The following PCDH15 variants were observed in gnomAD, a reference collection of about 807,000 sequenced individuals.
The protein encoded by PCDH15 is protocadherin related 15, also known as protocadherin-15.
PCDH15 carries 129 observed loss-of-function variants against 178.5 expected under a neutral mutation model. The ratio of observed to expected loss-of-function variants is 0.72; its 90% CI spans 0.63 to 0.84. PCDH15 has a LOEUF of 0.84. Ranked by LOEUF, PCDH15 falls within the 40% of genes least tolerant of loss-of-function variation. The probability of loss-of-function intolerance (pLI) is 0.00; values close to 1 mark genes in which losing one functional copy is unlikely to be tolerated. For synonymous variants in PCDH15, 800 were observed against 732.0 expected, an observed-to-expected ratio of 1.09 and a Z score of -1.50; for missense variants, 2,230 against 2,099.9, an observed-to-expected ratio of 1.06 and a Z score of -1.21.
At chr10:54,341,388 C>T (rs532603669) in intron 6 of PCDH15, among the ~76,000 whole-genome samples, 1 of 152,296 alleles carries the variant, frequency 6.6e-6, no homozygotes, top group South Asian at 2.1e-4. Flanking sequence ...CCTCCTGCTG[C>T]ATGTAAGATA....
chr10:55,508,792 A>C (rs746352506), intron 2 of PCDH15, among the ~76,000 whole-genome samples: 16 of 151,820 alleles, frequency 1.1e-4, no homozygotes, highest in Non-Finnish European at 1.9e-4. Flanking sequence ...AAAATTAATA[A>C]CTATAATAAA....
At chr10:54,712,181 G>T (rs542610487) in intron 1 of PCDH15, among the ~76,000 whole-genome samples, 1 of 151,676 alleles carries the variant, frequency 6.6e-6, no homozygotes, top group East Asian at 1.9e-4. Flanking sequence ...AATCTTCAAA[G>T]TTTCAAAAAG....
chr10:54,107,129 A>G (rs1418091076), intron 15 of PCDH15, among the ~76,000 whole-genome samples: 1 of 152,200 alleles, frequency 6.6e-6, no homozygotes, highest in Non-Finnish European at 1.5e-5. Context: ...TAATAGAATC[A>G]ATAGCATTGA....
intron 2 of PCDH15, among the ~76,000 whole-genome samples, chr10:55,064,131 T>A (rs1156714982): frequency 6.6e-6 from 1 of 152,064 alleles, no homozygotes; most frequent in Admixed American, 6.6e-5. Flanking sequence ...TAAATACATA[T>A]GGAAAAATCT....
chr10:54,517,979 T>C (rs1001262155), intron 3 of PCDH15, among the ~76,000 whole-genome samples: 1 of 152,116 alleles, frequency 6.6e-6, no homozygotes, highest in Non-Finnish European at 1.5e-5. Context: ...CATAATGAAA[T>C]GAAGGCAGAA....
chr10:53,931,005 G>T (rs908008354), intron 25 of PCDH15, among the ~76,000 whole-genome samples: 1 of 152,142 alleles, frequency 6.6e-6, no homozygotes. Flanking sequence ...AAGAAAATAC[G>T]GATGCTTAAC....
intron 18 of PCDH15, 76 bp from the exon 19 acceptor site, chr10:54,023,273 C>T: frequency 1.4e-6 from 2 of 1,391,450 alleles, no homozygotes; most frequent in South Asian, 2.4e-5. Context: ...TAACAGTTAA[C>T]AAATTATGGT....
At chr10:54,183,330 A>T in intron 13 of PCDH15, 114 bp downstream of exon 13, 1 of 1,053,500 alleles carries the variant, frequency 9.5e-7, no homozygotes, top group Non-Finnish European at 1.5e-6. Context: ...ATTATGCTAT[A>T]CAATAAGTGT....
intron 1 of PCDH15, among the ~76,000 whole-genome samples, chr10:54,680,904 T>C (rs889315819): frequency 2.0e-5 from 3 of 151,994 alleles, no homozygotes; most frequent in African/African-American, 7.2e-5. Context: ...AGAAAGAAGG[T>C]TGGAGTAGGG....
At chr10:54,744,515 C>T (rs1945217894) in intron 1 of PCDH15, among the ~76,000 whole-genome samples, 1 of 152,042 alleles carries the variant, frequency 6.6e-6, no homozygotes, top group African/African-American at 2.4e-5. Flanking sequence ...CAAAACTCAT[C>T]ATATTTCATT....
At chr10:54,797,908 A>G (rs1952212183) in intron 1 of PCDH15, among the ~76,000 whole-genome samples, 1 of 152,014 alleles carries the variant, frequency 6.6e-6, no homozygotes, top group Non-Finnish European at 1.5e-5. Context: ...ACTTCAGTTT[A>G]TACACCACAG....
At chr10:55,621,979 TTC>T (rs1027495739) in intron 2 of PCDH15, among the ~76,000 whole-genome samples, 8 of 144,746 alleles carry the variant, frequency 5.5e-5, no homozygotes, top group South Asian at 2.1e-4. Flanking sequence ...TATACTCTCG[TTC>T]TCTCTCTATA....
At chr10:54,038,508 A>T (rs1034905813) in intron 18 of PCDH15, among the ~76,000 whole-genome samples, 5 of 151,902 alleles carry the variant, frequency 3.3e-5, no homozygotes, top group African/African-American at 1.2e-4. Context: ...GAGCTGCAGA[A>T]TTGCAATTGC....
At chr10:54,722,548 C>CA (rs1213717094) in intron 1 of PCDH15, among the ~76,000 whole-genome samples, 1 of 119,020 alleles carries the variant, frequency 8.4e-6, no homozygotes, top group East Asian at 2.2e-4. Context: ...TTTCTTCAGG[C>CA]AAAATAAAGA....
intron 3 of PCDH15, among the ~76,000 whole-genome samples, chr10:54,881,788 C>A (rs937373095): frequency 6.6e-6 from 1 of 151,994 alleles, no homozygotes; most frequent in East Asian, 1.9e-4. Flanking sequence ...ACTGGTGGGG[C>A]TTTTTCACAT....
chr10:54,224,518 G>A (rs944708333), intron 9 of PCDH15, among the ~76,000 whole-genome samples: 1 of 151,892 alleles, frequency 6.6e-6, no homozygotes, highest in Non-Finnish European at 1.5e-5. Context: ...GAAGCTCTGG[G>A]TTTTATTTCT....
intron 13 of PCDH15, among the ~76,000 whole-genome samples, chr10:54,154,449 T>C (rs1010073477): frequency 2.6e-5 from 4 of 152,182 alleles, no homozygotes; most frequent in Non-Finnish European, 4.4e-5. Flanking sequence ...TAGTAGTTTT[T>C]ATAGTTTGCA....
intron 1 of PCDH15, among the ~76,000 whole-genome samples, chr10:54,747,805 C>CTTT (rs1945656730): frequency 1.6e-5 from 2 of 122,576 alleles, no homozygotes; most frequent in African/African-American, 3.1e-5. Flanking sequence ...TCAATGGTTA[C>CTTT]ATTTTTTTTT....
At chr10:55,172,187 T>C (rs1015722284) in intron 1 of PCDH15, among the ~76,000 whole-genome samples, 1 of 151,928 alleles carries the variant, frequency 6.6e-6, no homozygotes, top group African/African-American at 2.4e-5. Context: ...TTCATAAAAA[T>C]GTCAGTATTA....
Sources: allele counts gnomAD v4.1 joint callset (sites outside exome capture counted in the v4.1 genomes callset), GRCh38; gene constraint gnomAD v4.1.1; transcripts MANE v1.5; gene names NCBI Gene and HGNC (gene_info 2026-07-23, HGNC 2026-07-21).